Variants in PINX1 observed in about 807,000 individuals in gnomAD.
PINX1 encodes PIN2/TERF1-interacting telomerase inhibitor 1.
PINX1 carries 34 observed loss-of-function variants against 25.4 expected under a neutral mutation model. That is an observed-to-expected ratio of 1.34 (90% CI 1.02 to 1.78). The LOEUF is 1.78. PINX1 is among the 40% of genes most tolerant of loss of function. The probability of loss-of-function intolerance (pLI) is 0.00; values close to 1 mark genes in which losing one functional copy is unlikely to be tolerated. For synonymous variants in PINX1, 197 were observed against 147.7 expected, an observed-to-expected ratio of 1.33 and a Z score of -2.42; for missense variants, 592 against 404.9, an observed-to-expected ratio of 1.46 and a Z score of -3.97.
chr8:10,804,762 A>G (rs1048900147), intron 6 of PINX1, among the ~76,000 whole-genome samples: 1 of 152,086 alleles, frequency 6.6e-6, no homozygotes, highest in African/African-American at 2.4e-5. Flanking sequence ...AAAAAAAAAG[A>G]AATCACAGAT....
intron 1 of PINX1, among the ~76,000 whole-genome samples, chr8:10,835,447 T>C (rs924896842): frequency 3.9e-5 from 6 of 152,312 alleles, no homozygotes; most frequent in Middle Eastern, 3.4e-3. Context: ...ACAATAGTCA[T>C]TATGCTCTTG....
At chr8:10,832,026 G>T (rs1288176166) in intron 3 of PINX1, among the ~76,000 whole-genome samples, 1 of 152,166 alleles carries the variant, frequency 6.6e-6, no homozygotes, top group African/African-American at 2.4e-5. Flanking sequence ...TAATCAACAG[G>T]CAACCTGTGT....
chr8:10,811,566 A>C (rs1797522180), intron 6 of PINX1, among the ~76,000 whole-genome samples: 1 of 152,192 alleles, frequency 6.6e-6, no homozygotes, highest in South Asian at 2.1e-4. Context: ...AATTCGAGGA[A>C]GGGCTGGGCT....
Position 10,818,611 on chromosome 8 carries a change from G to A in PINX1, c.471+1582C>T, listed in dbSNP as rs140671088. On this transcript the variant is annotated intron_variant, in intron 6 of 6. Transcript: ENST00000314787. ...GGGGGTGGTGGGTGAGCAGCAGGCA[G>A]AAGAGAGGATCAACGTGCAGGGATG... Among the ~76,000 whole-genome samples, 113 of 152,302 alleles carry A rather than the reference G, an allele frequency of 7.4e-4. 1 individual carries two copies. The highest frequency in any genetic ancestry group is 2.4e-3 in the African/African-American group (100 of 41,556).
chr8:10,826,265 AT>A (rs372342290), intron 4 of PINX1, 21 bp from the exon 5 acceptor site: 22 of 1,349,754 alleles, frequency 1.6e-5, no homozygotes, highest in East Asian at 4.6e-5. Flanking sequence ...GATGAAAAAA[AT>A]ACATTAAAGT....
chr8:10,831,671 T>C lies in PINX1; in HGVS notation c.295A>G (p.Thr99Ala). 6.3e-7 allele frequency: 1 copy of C among 1,594,844 alleles called. No individual in the cohort carries two copies. Among genetic ancestry groups the C allele is most frequent in the Non-Finnish European group, 8.6e-7 (1 of 1,165,878 alleles). The change falls in exon 4 of 7, where the codon ACC becomes GCC. Residue 99 changes from threonine to alanine, a missense_variant. Transcript: ENST00000314787. ...TGTCATCTGATTTCCCTACCTGTGG[T>C]TTCCTGCCCATGGCAAGTGTTCAGT... Reference protein sequence around the residue: ...AELNTCHGQETTDSSDKKEKK... With the variant: ...AELNTCHGQEATDSSDKKEKK...
chr8:10,836,492 G>C (rs1162265914), intron 1 of PINX1, among the ~76,000 whole-genome samples: 1 of 152,202 alleles, frequency 6.6e-6, no homozygotes. Context: ...GGGCTTGTAC[G>C]AAGGAGACAG....
chr8:10,827,936 C>G (rs934049497), intron 4 of PINX1, among the ~76,000 whole-genome samples: 2 of 142,472 alleles, frequency 1.4e-5, no homozygotes, highest in Non-Finnish European at 3.1e-5. Flanking sequence ...AAAAATCCAA[C>G]AAACCAACCT....
At chr8:10,834,488 G>A in intron 2 of PINX1, 178 bp downstream of exon 2, 1 of 876,140 alleles carries the variant, frequency 1.1e-6, no homozygotes, top group South Asian at 1.9e-5. Flanking sequence ...ATAGAAAGTT[G>A]ACACTTATGT....
chr8:10,790,042 G>C (rs555940224), intron 6 of PINX1, among the ~76,000 whole-genome samples: 1 of 152,146 alleles, frequency 6.6e-6, no homozygotes, highest in South Asian at 2.1e-4. Flanking sequence ...ACAGCCAAGC[G>C]GCAGGTCCTG....
chr8:10,838,623 A>C (rs1013977017), intron 1 of PINX1, among the ~76,000 whole-genome samples: 1 of 152,238 alleles, frequency 6.6e-6, no homozygotes, highest in South Asian at 2.1e-4. Flanking sequence ...AAAGAATACG[A>C]AAACCAGAAG....
chr8:10,805,286 G>A (rs1038300008), intron 6 of PINX1, among the ~76,000 whole-genome samples: 1 of 152,208 alleles, frequency 6.6e-6, no homozygotes, highest in Non-Finnish European at 1.5e-5. Context: ...TCCACGTCAG[G>A]GTAATAACAA....
intron 5 of PINX1, among the ~76,000 whole-genome samples, chr8:10,823,425 C>T (rs1309397834): frequency 6.6e-6 from 1 of 152,012 alleles, no homozygotes; most frequent in Non-Finnish European, 1.5e-5. Context: ...CAACGTCTCA[C>T]CATCCAGTCA....
intron 6 of PINX1, among the ~76,000 whole-genome samples, chr8:10,810,222 A>G (rs372846669): frequency 5.9e-5 from 9 of 152,366 alleles, no homozygotes; most frequent in Middle Eastern, 3.4e-3. Context: ...ACACACGTCC[A>G]AACCATATCA....
In PINX1 at chr8:10,805,353, T is replaced by C. The variant is rs117616535; in HGVS notation, c.471+14840A>G. ...TTCTGCAACCCACCCCATGTTTCAG[T>C]AAGATAAGTTAGGAATGGCATATTT... On this transcript the variant is annotated intron_variant, in intron 6 of 6. Coordinates refer to ENST00000314787, the MANE Select transcript of PINX1 (RefSeq NM_017884.6). Among the ~76,000 whole-genome samples the C allele has an allele frequency of 1.6e-3, 243 of 152,374 alleles. 2 individuals are homozygous for C. The highest frequency in any genetic ancestry group is 2.3e-3 in the Non-Finnish European group (156 of 68,030).
At chr8:10,785,871 C>CT (rs1482629624) in intron 6 of PINX1, among the ~76,000 whole-genome samples, 1 of 152,186 alleles carries the variant, frequency 6.6e-6, no homozygotes, top group East Asian at 1.9e-4. Context: ...GAGAATAGTT[C>CT]TTTTCTCTTT....
intron 6 of PINX1, among the ~76,000 whole-genome samples, chr8:10,815,402 G>C (rs1328203963): frequency 2.6e-5 from 4 of 152,152 alleles, no homozygotes; most frequent in African/African-American, 9.7e-5. Context: ...AAATAATTAA[G>C]AGAGCACATT....
intron 6 of PINX1, among the ~76,000 whole-genome samples, chr8:10,770,224 T>C (rs943424363): frequency 2.6e-5 from 4 of 152,212 alleles, no homozygotes; most frequent in Admixed American, 6.5e-5. Flanking sequence ...CTGCTGTGGT[T>C]CTCTGACTCA....
At chr8:10,821,700 T>C (rs1797880400) in intron 5 of PINX1, among the ~76,000 whole-genome samples, 1 of 152,212 alleles carries the variant, frequency 6.6e-6, no homozygotes, top group Non-Finnish European at 1.5e-5. Context: ...GCACAACCCA[T>C]TTTCCAATGC....
Sources: gnomAD v4.1 joint callset for allele counts (sites outside exome capture counted in the v4.1 genomes callset) on GRCh38, gnomAD v4.1.1 for gene constraint, MANE v1.5 for transcripts, NCBI Gene and HGNC (gene_info 2026-07-23, HGNC 2026-07-21) for gene names.